DCTN4: variants seen among roughly 807,000 people sequenced by gnomAD.
The protein encoded by DCTN4 is dynactin 4 (p62).
Under a neutral mutation model 62.7 loss-of-function variants are expected in DCTN4, and 23 were observed. That is an observed-to-expected ratio of 0.37 (90% CI 0.26 to 0.52). The LOEUF (loss-of-function observed/expected upper bound fraction) is 0.52. DCTN4 is among the 20% of genes least tolerant of loss of function. DCTN4 has a pLI of 0.92. For missense variants in DCTN4, 514 were observed against 580.4 expected, an observed-to-expected ratio of 0.89 and a Z score of 1.18; for synonymous variants, 199 against 202.1, an observed-to-expected ratio of 0.98 and a Z score of 0.13.
rs1759459097 is a variant in DCTN4 at position 150,708,715 on chromosome 5, AG to A, written c.*2433del. The A allele has an allele frequency of 6.5e-6, 1 of 152,816 alleles. No individual in the cohort carries two copies. The highest frequency in any genetic ancestry group is 1.5e-5 in the Non-Finnish European group (1 of 68,042). 9.5% of individuals were successfully genotyped at this position (152,816 alleles called of 1,614,324 possible). A position where few individuals can be genotyped will look rare whatever the true frequency, so the allele number is the denominator to read the frequency against. Reference sequence around the variant, plus strand: ...CTTTTGGCTCTGAGCCATGCTACTTAGTATCTACATGAGAGCAAACAAAAGA... The same window carrying A: ...CTTTTGGCTCTGAGCCATGCTACTTATATCTACATGAGAGCAAACAAAAGA... On this transcript the variant is annotated 3_prime_UTR_variant, in exon 13 of 13. Transcript: ENST00000447998.
At chr5:150,747,201 A>G (rs1351209287) in intron 3 of DCTN4, among the ~76,000 whole-genome samples, 2 of 152,206 alleles carry the variant, frequency 1.3e-5, no homozygotes, top group Non-Finnish European at 2.9e-5. Flanking sequence ...TGCTTCAAAG[A>G]GAATAAAATA....
intron 3 of DCTN4, among the ~76,000 whole-genome samples, chr5:150,750,580 A>G (rs2113139416): frequency 6.6e-6 from 1 of 152,368 alleles, no homozygotes; most frequent in African/African-American, 2.4e-5. Context: ...AGAAGACGGA[A>G]TAAGTAAACT....
Position 150,718,271 on chromosome 5 carries a change from C to T in DCTN4, c.1071+5G>A. 1.2e-6 allele frequency: 2 copies of T among 1,607,162 alleles called. No homozygotes were observed. Among genetic ancestry groups the T allele is most frequent in the Non-Finnish European group, 1.7e-6 (2 of 1,174,712 alleles). On this transcript the variant is annotated splice_donor_5th_base_variant and intron_variant, in intron 11 of 12. Coordinates refer to ENST00000447998, the MANE Select transcript of DCTN4 (RefSeq NM_016221.4). ...GTCAGTCAGGCTGAGGCAAAATGCT[C>T]CTACCTTAGCAGTGCTGTTGATATC...
intron 3 of DCTN4, among the ~76,000 whole-genome samples, chr5:150,752,132 TTA>T (rs1414555730): frequency 6.6e-6 from 1 of 152,184 alleles, no homozygotes. Flanking sequence ...ATGCTACTAC[TTA>T]TATAAAGCAT....
intron 3 of DCTN4, among the ~76,000 whole-genome samples, chr5:150,751,684 C>G (rs1203669697): frequency 2.6e-5 from 4 of 152,100 alleles, no homozygotes; most frequent in Non-Finnish European, 5.9e-5. Context: ...AGTCACACTT[C>G]AGGTAAATAG....
chr5:150,716,383 T>G (rs1759758231), intron 11 of DCTN4, among the ~76,000 whole-genome samples: 1 of 152,172 alleles, frequency 6.6e-6, no homozygotes, highest in Admixed American at 6.5e-5. Context: ...ATACATAAAC[T>G]TACATGAGAT....
At chr5:150,713,441 TTTTC>T (rs1240900609) in intron 12 of DCTN4, among the ~76,000 whole-genome samples, 70 of 149,242 alleles carry the variant, frequency 4.7e-4, no homozygotes, top group African/African-American at 1.6e-3. Context: ...TTTTCTTTTC[TTTTC>T]TTTTTTTTTT....
In DCTN4 at chr5:150,710,441, G is replaced by C. The variant is rs1759518082; in HGVS notation, c.*708C>G. The C allele has an allele frequency of 6.6e-6, 1 of 152,282 alleles. No individual in the cohort carries two copies. The highest frequency in any genetic ancestry group is 1.5e-5 in the Non-Finnish European group (1 of 68,048). 9.4% of individuals were successfully genotyped at this position (152,282 alleles called of 1,614,324 possible). ...CCCTTGACATGACATGTAATTGTTT[G>C]CTTCTCAAATTCTTCTTAAAAGATC... On this transcript the variant is annotated 3_prime_UTR_variant, in exon 13 of 13. Coordinates refer to ENST00000447998, the MANE Select transcript of DCTN4 (RefSeq NM_016221.4).
At chr5:150,751,649 G>C (rs901548154) in intron 3 of DCTN4, among the ~76,000 whole-genome samples, 4 of 152,062 alleles carry the variant, frequency 2.6e-5, no homozygotes, top group Non-Finnish European at 4.4e-5. Context: ...AATTTTCAAA[G>C]ATGTTACAGA....
chr5:150,751,692 T>G (rs754030961), intron 3 of DCTN4, among the ~76,000 whole-genome samples: 23 of 152,168 alleles, frequency 1.5e-4, no homozygotes, highest in Non-Finnish European at 2.9e-4. Flanking sequence ...TTCAGGTAAA[T>G]AGCTACCCAC....
chr5:150,758,097 C>T (rs763591086), intron 1 of DCTN4: 3 of 985,526 alleles, frequency 3.0e-6, no homozygotes, highest in Non-Finnish European at 3.6e-6. Flanking sequence ...TTAAACAGCG[C>T]ATTTTATGTC....
chr5:150,754,885 C>T (rs981969145), intron 2 of DCTN4, among the ~76,000 whole-genome samples: 12 of 152,038 alleles, frequency 7.9e-5, no homozygotes, highest in Non-Finnish European at 1.3e-4. Flanking sequence ...ACTGCTTGAG[C>T]CTGGGAGGTT....
At chr5:150,743,437 A>G (rs768580796) in intron 3 of DCTN4, among the ~76,000 whole-genome samples, 1 of 152,218 alleles carries the variant, frequency 6.6e-6, no homozygotes, top group Non-Finnish European at 1.5e-5. Flanking sequence ...GACAGCTTTG[A>G]GCAGAGCAGT....
chr5:150,751,872 T>C (rs745807449), intron 3 of DCTN4, among the ~76,000 whole-genome samples: 21 of 152,168 alleles, frequency 1.4e-4, no homozygotes, highest in Non-Finnish European at 2.6e-4. Flanking sequence ...TTTAAGAACA[T>C]AGTTGAATCT....
At chr5:150,712,789 G>A (rs1364524648) in intron 12 of DCTN4, among the ~76,000 whole-genome samples, 1 of 152,140 alleles carries the variant, frequency 6.6e-6, no homozygotes, top group Non-Finnish European at 1.5e-5. Flanking sequence ...GAAAGTAAAA[G>A]GGCAATGAAA....
chr5:150,713,440 CTTTTCTTTTT>C (rs1759641200), intron 12 of DCTN4, among the ~76,000 whole-genome samples: 2 of 148,098 alleles, frequency 1.4e-5, no homozygotes, highest in African/African-American at 2.5e-5. Context: ...TTTTTCTTTT[CTTTTCTTTTT>C]TTTTTTTTTT....
chr5:150,758,454 T>C (rs910634361), intron 1 of DCTN4: 4 of 992,070 alleles, frequency 4.0e-6, no homozygotes, highest in Middle Eastern at 5.1e-4. Flanking sequence ...ACTTTCAGGA[T>C]GGGAGAACTA....
Position 150,753,563 on chromosome 5 carries a change from T to C in DCTN4, c.301A>G (p.Thr101Ala). 1 of 1,614,186 alleles carries C rather than the reference T, an allele frequency of 6.2e-7. No individual in the cohort carries two copies. The highest frequency in any genetic ancestry group is 8.5e-7 in the Non-Finnish European group (1 of 1,180,022). Residue 101 changes from threonine (T) to alanine (A), a missense_variant, in exon 3 of 13, where the codon ACC becomes GCC. By Grantham distance (58) the Thr-to-Ala change is moderately conservative. Coordinates refer to ENST00000447998, the MANE Select transcript of DCTN4 (RefSeq NM_016221.4). ...STQLPDDPAK[T>A]TMKKAYYLAC... Reference sequence around the variant, plus strand: ...AGGTAATAGGCTTTCTTCATGGTGGTCTTGGCTGGGTCATCTGGAAGCTGT... The same window carrying C: ...AGGTAATAGGCTTTCTTCATGGTGGCCTTGGCTGGGTCATCTGGAAGCTGT...
intron 10 of DCTN4, among the ~76,000 whole-genome samples, chr5:150,719,023 T>C (rs1759870421): frequency 6.6e-6 from 1 of 152,174 alleles, no homozygotes; most frequent in African/African-American, 2.4e-5. Flanking sequence ...TTTCCCCATG[T>C]TGCCCAGGCT....
Sources: gnomAD v4.1 joint callset for allele counts (sites outside exome capture counted in the v4.1 genomes callset) on GRCh38, gnomAD v4.1.1 for gene constraint, MANE v1.5 for transcripts, NCBI Gene and HGNC (gene_info 2026-07-23, HGNC 2026-07-21) for gene names.